WDPCP: variants seen among roughly 807,000 people sequenced by gnomAD.
WDPCP encodes WD repeat containing planar cell polarity effector.
In WDPCP, 71 loss-of-function variants were observed where a neutral mutation model predicts 93.1. The observed-to-expected ratio is 0.76, with a 90% CI of 0.63 to 0.93. The LOEUF (loss-of-function observed/expected upper bound fraction) is 0.93, where lower values mean the gene tolerates loss of function less well. Ranked by LOEUF, WDPCP falls within the 40% of genes least tolerant of loss-of-function variation. The pLI is 0.00. For synonymous variants in WDPCP, 315 were observed against 315.0 expected, an observed-to-expected ratio of 1.00 and a Z score of 0.00; for missense variants, 844 against 887.4, an observed-to-expected ratio of 0.95 and a Z score of 0.62.
rs1312186804 is a variant in WDPCP, at chr2:63,761,088, T to C, written n.308+52534A>G. Reference sequence around the variant, plus strand: ...TGTCCCCCTCTCCAAAGTTCAAGTGTTGCAAACTTAATCCCAAATGCAACA... The same window carrying C: ...TGTCCCCCTCTCCAAAGTTCAAGTGCTGCAAACTTAATCCCAAATGCAACA... On this transcript the variant is annotated intron_variant and non_coding_transcript_variant, in intron 2 of 4. Transcript: ENST00000467687. Among the ~76,000 whole-genome samples the C allele has an allele frequency of 3.3e-5, 5 of 152,332 alleles. No individual in the cohort carries two copies. The East Asian group carries it at 9.6e-4, about 29-fold the overall frequency.
intron 12 of WDPCP, among the ~76,000 whole-genome samples, chr2:63,377,023 C>T (rs1691906066): frequency 6.6e-6 from 1 of 151,762 alleles, no homozygotes; most frequent in South Asian, 2.1e-4. Flanking sequence ...AAACAGTCTA[C>T]TCTTAAGTGA....
chr2:63,574,326 T>C (rs1381121334), intron 1 of WDPCP, among the ~76,000 whole-genome samples: 1 of 152,164 alleles, frequency 6.6e-6, no homozygotes, highest in Non-Finnish European at 1.5e-5. Flanking sequence ...TTTCTCAGAC[T>C]GGCCGACACT....
At chr2:63,792,546 C>A (rs1189923224) in intron 2 of WDPCP, among the ~76,000 whole-genome samples, 1 of 152,090 alleles carries the variant, frequency 6.6e-6, no homozygotes, top group Non-Finnish European at 1.5e-5. Flanking sequence ...TGAGGGGCAT[C>A]TAAACCAGGA....
chr2:63,143,409 C>A (rs547871125), intron 17 of WDPCP, among the ~76,000 whole-genome samples: 1 of 152,228 alleles, frequency 6.6e-6, no homozygotes, highest in African/African-American at 2.4e-5. Flanking sequence ...GCATTTAGGC[C>A]ATTTACATTC....
At chr2:63,617,800 G>T (rs1709688706) in intron 3 of WDPCP, among the ~76,000 whole-genome samples, 1 of 152,072 alleles carries the variant, frequency 6.6e-6, no homozygotes, top group East Asian at 1.9e-4. Flanking sequence ...ATAAAGAGTT[G>T]GTTCTCAATT....
intron 2 of WDPCP, among the ~76,000 whole-genome samples, chr2:63,680,419 G>A (rs988720424): frequency 3.3e-5 from 5 of 152,186 alleles, no homozygotes; most frequent in Non-Finnish European, 7.3e-5. Flanking sequence ...ACCCTGCATT[G>A]AACTCAGTGC....
At chr2:63,476,198 A>T (rs1699961530) in intron 6 of WDPCP, among the ~76,000 whole-genome samples, 1 of 152,052 alleles carries the variant, frequency 6.6e-6, no homozygotes, top group African/African-American at 2.4e-5. Flanking sequence ...TTAATATGGT[A>T]CTCCGCAATA....
intron 10 of WDPCP, among the ~76,000 whole-genome samples, chr2:63,393,088 CAT>C (rs1181255627): frequency 4.6e-5 from 7 of 151,810 alleles, no homozygotes; most frequent in South Asian, 2.1e-4. Flanking sequence ...CACATGCACA[CAT>C]GTTTATTGCG....
At chr2:63,123,280 GT>G (rs1669672795) in intron 17 of WDPCP, among the ~76,000 whole-genome samples, 1 of 152,026 alleles carries the variant, frequency 6.6e-6, no homozygotes, top group African/African-American at 2.4e-5. Flanking sequence ...AATGAGTTAG[GT>G]TTTGGCCTTG....
At chr2:63,188,860 T>C (rs1485390586) in intron 14 of WDPCP, among the ~76,000 whole-genome samples, 1 of 152,204 alleles carries the variant, frequency 6.6e-6, no homozygotes, top group Non-Finnish European at 1.5e-5. Flanking sequence ...TTTCTTTGTA[T>C]GCCTTGTCGT....
At chr2:63,216,113 T>C (rs1418199690) in intron 14 of WDPCP, among the ~76,000 whole-genome samples, 2 of 152,202 alleles carry the variant, frequency 1.3e-5, no homozygotes, top group African/African-American at 4.8e-5. Flanking sequence ...TTGGTGGGAC[T>C]GTAAACTAGT....
chr2:63,691,028 A>T (rs1407645676), intron 2 of WDPCP, among the ~76,000 whole-genome samples: 1 of 152,248 alleles, frequency 6.6e-6, no homozygotes, highest in Non-Finnish European at 1.5e-5. Flanking sequence ...ATGAATGTAC[A>T]TGCATAACCT....
At chr2:63,538,733 G>A (rs937685832) in intron 1 of WDPCP, among the ~76,000 whole-genome samples, 2 of 152,008 alleles carry the variant, frequency 1.3e-5, no homozygotes, top group Non-Finnish European at 2.9e-5. Flanking sequence ...ATTTTGACAT[G>A]TATTTTCAAA....
At chr2:63,812,071 C>T (rs149168978) in intron 2 of WDPCP, among the ~76,000 whole-genome samples, 1,850 of 151,814 alleles carry the variant, frequency 0.012, 17 homozygotes, top group Non-Finnish European at 0.015. Flanking sequence ...TGTCATGTTG[C>T]GCAAGCTGGT....
At chr2:63,642,004 G>C (rs980771515) in intron 3 of WDPCP, among the ~76,000 whole-genome samples, 3 of 152,168 alleles carry the variant, frequency 2.0e-5, no homozygotes, top group Admixed American at 1.3e-4. Context: ...TCTTTCTTCT[G>C]CATATGAATA....
At chr2:63,150,235 G>GT (rs1198260364) in intron 17 of WDPCP, among the ~76,000 whole-genome samples, 1 of 152,156 alleles carries the variant, frequency 6.6e-6, no homozygotes, top group Non-Finnish European at 1.5e-5. Context: ...TTTTGTATGT[G>GT]TGGCTTTCAG....
chr2:63,375,721 T>C (rs1691802665), intron 12 of WDPCP, among the ~76,000 whole-genome samples: 1 of 152,022 alleles, frequency 6.6e-6, no homozygotes, highest in African/African-American at 2.4e-5. Context: ...TTTATTTTAA[T>C]AATCTACATG....
intron 1 of WDPCP, among the ~76,000 whole-genome samples, chr2:63,523,186 A>G (rs1703069577): frequency 6.6e-6 from 1 of 152,232 alleles, no homozygotes; most frequent in South Asian, 2.1e-4. Context: ...TTCATCACAT[A>G]AACAGCTAAC....
intron 2 of WDPCP, among the ~76,000 whole-genome samples, chr2:63,771,189 A>T (rs1315769694): frequency 1.3e-5 from 2 of 151,704 alleles, no homozygotes; most frequent in African/African-American, 4.8e-5. Context: ...TAAAGGCATG[A>T]ATCTCTAATA....
Sources: gnomAD v4.1 joint callset for allele counts (sites outside exome capture counted in the v4.1 genomes callset) on GRCh38, gnomAD v4.1.1 for gene constraint, MANE v1.5 for transcripts, NCBI Gene and HGNC (gene_info 2026-07-23, HGNC 2026-07-21) for gene names.